CAMKMT: variants seen among roughly 807,000 people sequenced by gnomAD.
CAMKMT encodes the protein CaM KMT.
CAMKMT carries 53 observed loss-of-function variants against 48.0 expected under a neutral mutation model. The ratio of observed to expected loss-of-function variants is 1.10; its 90% CI spans 0.89 to 1.39. The LOEUF is 1.39. Ranked by LOEUF, CAMKMT falls within the 40% of genes most tolerant of loss-of-function variation. CAMKMT has a pLI of 0.00. For missense variants in CAMKMT, 428 were observed against 402.7 expected, an observed-to-expected ratio of 1.06 and a Z score of -0.54; for synonymous variants, 165 against 152.3, an observed-to-expected ratio of 1.08 and a Z score of -0.61.
At chr2:44,405,979 A>G (rs1354282683) in intron 3 of CAMKMT, among the ~76,000 whole-genome samples, 1 of 152,178 alleles carries the variant, frequency 6.6e-6, no homozygotes, top group Non-Finnish European at 1.5e-5. Flanking sequence ...AACTGAACCA[A>G]TCAATTTCAT....
chr2:44,494,546 A>G (rs1669668314), intron 3 of CAMKMT, among the ~76,000 whole-genome samples: 2 of 152,360 alleles, frequency 1.3e-5, no homozygotes, highest in African/African-American at 2.4e-5. Flanking sequence ...ACACTAGGAC[A>G]TAAAAATGGA....
At chr2:44,707,533 T>C (rs1677629891) in intron 6 of CAMKMT, 71 bp downstream of exon 6, 2 of 1,342,070 alleles carry the variant, frequency 1.5e-6, no homozygotes, top group Non-Finnish European at 2.1e-6. Context: ...ACAATTGATA[T>C]AAAGAAAGAC....
At chr2:44,386,001 G>T (rs1558562925) in intron 2 of CAMKMT, among the ~76,000 whole-genome samples, 1 of 152,056 alleles carries the variant, frequency 6.6e-6, no homozygotes, top group Non-Finnish European at 1.5e-5. Flanking sequence ...AATGAATTAG[G>T]GAGGGTTTCT....
In CAMKMT at chr2:44,754,126, T is replaced by A; in HGVS notation, c.762+8T>A. The A allele has an allele frequency of 1.2e-6, 2 of 1,609,342 alleles. No individual in the cohort carries two copies. The highest frequency in any genetic ancestry group is 1.1e-5 in the South Asian group (1 of 90,988). ...AGATTACTCCAGCCCAGGGTAAGTA[T>A]GTTTCTATTTTCTCCTGAACACTGG... On this transcript the variant is annotated splice_region_variant and intron_variant, in intron 9 of 10. Coordinates refer to ENST00000378494, the MANE Select transcript of CAMKMT (RefSeq NM_024766.5).
At chr2:44,663,003 G>GT (rs1250430664) in intron 3 of CAMKMT, among the ~76,000 whole-genome samples, 5 of 152,134 alleles carry the variant, frequency 3.3e-5, no homozygotes, top group African/African-American at 1.2e-4. Flanking sequence ...TTACATATAA[G>GT]TTTTTTCTGG....
intron 2 of CAMKMT, among the ~76,000 whole-genome samples, chr2:44,388,737 G>A (rs1160255570): frequency 6.6e-6 from 1 of 152,178 alleles, no homozygotes; most frequent in Non-Finnish European, 1.5e-5. Flanking sequence ...TCCTATGGAT[G>A]TGGCTTCCTA....
intron 9 of CAMKMT, among the ~76,000 whole-genome samples, chr2:44,758,772 A>C (rs343945): frequency 0.057 from 8,718 of 152,288 alleles, 263 homozygotes; most frequent in Admixed American, 0.076. Context: ...CCAGTATCAG[A>C]GGACCCAAAC....
intron 3 of CAMKMT, among the ~76,000 whole-genome samples, chr2:44,481,611 AATTTTTACAAAGT>A (rs1225823279): frequency 2.6e-5 from 4 of 152,056 alleles, no homozygotes; most frequent in Non-Finnish European, 5.9e-5. Flanking sequence ...CTAATTTGTA[AATTTTTACAAAGT>A]ATTTTAGTAA....
chr2:44,635,038 A>G (rs949200591), intron 3 of CAMKMT, among the ~76,000 whole-genome samples: 9 of 152,208 alleles, frequency 5.9e-5, no homozygotes, highest in African/African-American at 2.2e-4. Flanking sequence ...GCACCATTGC[A>G]TTCCAGTTTG....
intron 3 of CAMKMT, among the ~76,000 whole-genome samples, chr2:44,695,740 C>T (rs566772871): frequency 6.6e-6 from 1 of 152,160 alleles, no homozygotes; most frequent in South Asian, 2.1e-4. Flanking sequence ...AATGCATTGA[C>T]TTAGCAGATA....
chr2:44,468,158 AAAG>A (rs1668227671), intron 3 of CAMKMT, among the ~76,000 whole-genome samples: 1 of 152,230 alleles, frequency 6.6e-6, no homozygotes, highest in Non-Finnish European at 1.5e-5. Context: ...CAACAGCAAA[AAAG>A]CAAATAATCT....
intron 3 of CAMKMT, among the ~76,000 whole-genome samples, chr2:44,466,190 A>G (rs565936287): frequency 7.2e-5 from 11 of 152,350 alleles, no homozygotes; most frequent in Admixed American, 3.9e-4. Flanking sequence ...TCTAACAGAT[A>G]TACAGAACAC....
At chr2:44,669,438 A>G (rs1187616601) in intron 3 of CAMKMT, among the ~76,000 whole-genome samples, 1 of 152,176 alleles carries the variant, frequency 6.6e-6, no homozygotes, top group Non-Finnish European at 1.5e-5. Context: ...TGTAGGGCAT[A>G]TACTGAGGAG....
intron 7 of CAMKMT, among the ~76,000 whole-genome samples, chr2:44,718,372 T>A (rs1205003599): frequency 2.6e-5 from 4 of 152,236 alleles, no homozygotes; most frequent in African/African-American, 9.6e-5. Flanking sequence ...ATTCATTACA[T>A]CTCAGCTTAA....
intron 7 of CAMKMT, among the ~76,000 whole-genome samples, chr2:44,738,010 C>T (rs1023994679): frequency 3.3e-5 from 5 of 152,028 alleles, no homozygotes; most frequent in Non-Finnish European, 4.4e-5. Flanking sequence ...TGCCCACCAT[C>T]GTGCCCAGCT....
At chr2:44,616,499 A>C (rs370069848) in intron 3 of CAMKMT, among the ~76,000 whole-genome samples, 5 of 151,932 alleles carry the variant, frequency 3.3e-5, no homozygotes, top group African/African-American at 4.8e-5. Flanking sequence ...TTTTTATTAC[A>C]AGCCATATAT....
chr2:44,369,092 C>CA (rs967970282), intron 1 of CAMKMT, among the ~76,000 whole-genome samples: 76 of 152,212 alleles, frequency 5.0e-4, no homozygotes, highest in Non-Finnish European at 7.2e-4. Flanking sequence ...TCATGTTGGC[C>CA]AGGCTGGTAT....
At chr2:44,591,903 G>C (rs1188348510) in intron 3 of CAMKMT, among the ~76,000 whole-genome samples, 1 of 152,152 alleles carries the variant, frequency 6.6e-6, no homozygotes, top group East Asian at 1.9e-4. Flanking sequence ...ATGAGTTCAT[G>C]TCCTTTGTAG....
At chr2:44,674,904 CTA>C (rs1424467492) in intron 3 of CAMKMT, among the ~76,000 whole-genome samples, 1 of 151,982 alleles carries the variant, frequency 6.6e-6, no homozygotes, top group African/African-American at 2.4e-5. Flanking sequence ...AACACACAAA[CTA>C]TCAATCTTCT....
Sources: allele counts gnomAD v4.1 joint callset (sites outside exome capture counted in the v4.1 genomes callset), GRCh38; gene constraint gnomAD v4.1.1; transcripts MANE v1.5; gene names NCBI Gene and HGNC (gene_info 2026-07-23, HGNC 2026-07-21).